GLRA3: variants seen among roughly 807,000 people sequenced by gnomAD.
GLRA3 encodes glycine receptor subunit alpha-3.
GLRA3 carries 44 observed loss-of-function variants against 60.4 expected under a neutral mutation model. That is an observed-to-expected ratio of 0.73 (90% CI 0.57 to 0.94). The LOEUF is 0.94. GLRA3 is among the 40% of genes least tolerant of loss of function. The pLI is 0.00. For missense variants in GLRA3, 508 were observed against 564.6 expected, an observed-to-expected ratio of 0.90 and a Z score of 1.02; for synonymous variants, 223 against 192.9, an observed-to-expected ratio of 1.16 and a Z score of -1.29.
At chr4:174,773,284 T>C (rs1157485568) in intron 2 of GLRA3, among the ~76,000 whole-genome samples, 2 of 151,442 alleles carry the variant, frequency 1.3e-5, no homozygotes, top group Non-Finnish European at 2.9e-5. Context: ...TAGTTGCAGA[T>C]GTTTTCAGCA....
chr4:174,735,458 G>A (rs1736742176), intron 3 of GLRA3, among the ~76,000 whole-genome samples: 1 of 152,172 alleles, frequency 6.6e-6, no homozygotes. Context: ...ACAGAATATT[G>A]TCTCTGGATT....
intron 1 of GLRA3, among the ~76,000 whole-genome samples, chr4:174,807,142 AC>A (rs1212760574): frequency 3.3e-5 from 5 of 152,060 alleles, no homozygotes; most frequent in African/African-American, 1.2e-4. Context: ...AAAAGAAGAT[AC>A]AGAGAACAAC....
At chr4:174,810,098 A>T (rs567007893) in intron 1 of GLRA3, among the ~76,000 whole-genome samples, 2 of 152,186 alleles carry the variant, frequency 1.3e-5, no homozygotes, top group Non-Finnish European at 2.9e-5. Flanking sequence ...AATAAAATGG[A>T]ACAGAATCTT....
chr4:174,786,766 T>C (rs146165688), intron 2 of GLRA3, among the ~76,000 whole-genome samples: 4 of 152,312 alleles, frequency 2.6e-5, no homozygotes, highest in African/African-American at 9.6e-5. Flanking sequence ...TTATAATTGA[T>C]ATTATTTTTG....
At chr4:174,755,798 C>T (rs549590810) in intron 3 of GLRA3, among the ~76,000 whole-genome samples, 4 of 151,974 alleles carry the variant, frequency 2.6e-5, no homozygotes, top group African/African-American at 4.8e-5. Context: ...GAGACAAAAA[C>T]GAACTATTAT....
chr4:174,654,451 T>TA (rs1431831858), intron 9 of GLRA3, among the ~76,000 whole-genome samples: 1 of 152,120 alleles, frequency 6.6e-6, no homozygotes, highest in African/African-American at 2.4e-5. Flanking sequence ...TAGCAAAACA[T>TA]AAACTTGGCT....
chr4:174,744,508 G>T (rs1238479572), intron 3 of GLRA3, among the ~76,000 whole-genome samples: 1 of 152,196 alleles, frequency 6.6e-6, no homozygotes, highest in African/African-American at 2.4e-5. Context: ...ACTAGTTCCT[G>T]TACCCTAAAC....
At chr4:174,735,526 G>A (rs114763887) in intron 3 of GLRA3, among the ~76,000 whole-genome samples, 5,550 of 152,022 alleles carry the variant, frequency 0.037, 150 homozygotes, top group Non-Finnish European at 0.054. Context: ...AAACATAATC[G>A]TTTACACATA....
chr4:174,741,063 C>G (rs1157122810), intron 3 of GLRA3, among the ~76,000 whole-genome samples: 1 of 152,102 alleles, frequency 6.6e-6, no homozygotes, highest in Admixed American at 6.6e-5. Flanking sequence ...TTTATGTAAG[C>G]ATACGTGTTT....
intron 4 of GLRA3, among the ~76,000 whole-genome samples, chr4:174,717,364 A>AAAGG (rs70947458): frequency 0.41 from 61,493 of 149,732 alleles, 12,833 homozygotes; most frequent in South Asian, 0.47. Context: ...AGAAAGAAGG[A>AAAGG]AAGGAAGGAA....
intron 5 of GLRA3, among the ~76,000 whole-genome samples, chr4:174,692,729 T>C (rs1734901806): frequency 6.6e-6 from 1 of 151,690 alleles, no homozygotes; most frequent in Non-Finnish European, 1.5e-5. Flanking sequence ...GTTAAACAGA[T>C]GCTTGAAGGC....
chr4:174,695,546 T>G (rs919752214), intron 5 of GLRA3, among the ~76,000 whole-genome samples: 13 of 152,256 alleles, frequency 8.5e-5, no homozygotes, highest in Admixed American at 7.2e-4. Flanking sequence ...CACCCTTTCA[T>G]GTTAAAAACT....
intron 1 of GLRA3, among the ~76,000 whole-genome samples, chr4:174,798,233 G>C (rs985105457): frequency 6.6e-6 from 1 of 152,134 alleles, no homozygotes; most frequent in African/African-American, 2.4e-5. Flanking sequence ...AGCAGGGAAG[G>C]TTTAGGGTAT....
rs868737753 is a variant in GLRA3 at position 174,659,094 on chromosome 4, T to C, written c.1031A>G (p.His344Arg). 1 of 1,613,248 alleles carries C rather than the reference T, an allele frequency of 6.2e-7. No homozygotes were observed. Among genetic ancestry groups the C allele is most frequent in the East Asian group, 2.2e-5 (1 of 44,778 alleles). Reference protein sequence around the residue: ...YAAVNFVSRQHKELLRFRRKR... With the variant: ...YAAVNFVSRQRKELLRFRRKR... ...TCGTCGAAATCTCAGAAGTTCTTTG[T>C]GTTGTCTTGATACAAAATTTACAGC... Residue 344 changes from histidine to arginine, a missense_variant, in exon 8 of 10, where the codon CAC (histidine) becomes CGC (arginine). Physicochemically the swap from His to Arg is conservative, Grantham distance 29. Transcript: ENST00000274093.
chr4:174,730,138 C>T (rs576330502), intron 3 of GLRA3, among the ~76,000 whole-genome samples: 24 of 152,116 alleles, frequency 1.6e-4, no homozygotes, highest in East Asian at 5.8e-4. Context: ...AGAAAGCTCA[C>T]GATATTGTGG....
At position 174,800,969 on chromosome 4, in the gene GLRA3, T is replaced by C. The variant is rs141302271; in HGVS notation, c.72-12026A>G. On this transcript the variant is annotated intron_variant, in intron 1 of 9. Coordinates refer to ENST00000274093, the MANE Select transcript of GLRA3 (RefSeq NM_006529.4). ...ATTACATGAGATATTCAACACTTCA[T>C]TATAAAATAGACTTTGTATTAGATG... is the stretch of plus-strand genomic sequence containing the variant. Among the ~76,000 whole-genome samples, 621 of 152,206 alleles carry C rather than the reference T, an allele frequency of 4.1e-3. 7 individuals carry two copies. Among genetic ancestry groups the C allele is most frequent in the African/African-American group, 0.014 (592 of 41,560 alleles).
chr4:174,642,243 G>T lies in GLRA3; in HGVS notation c.*1543C>A. 1 of 916,120 alleles carries T rather than the reference G, an allele frequency of 1.1e-6. No homozygotes were observed. The highest frequency in any genetic ancestry group is 1.3e-6 in the Non-Finnish European group (1 of 767,064). 56.7% of individuals were successfully genotyped at this position (916,120 alleles called of 1,614,324 possible). A position where few individuals can be genotyped will look rare whatever the true frequency, so the allele number is the denominator to read the frequency against. ...GTTTTAGTTTTAAATGGTAGTTTTT[G>T]CTTTTAATTTGAAAGTGGTTGAAGG... On this transcript the variant is annotated 3_prime_UTR_variant, in exon 10 of 10. Transcript: ENST00000274093.
At chr4:174,716,938 C>A (rs150453568) in intron 4 of GLRA3, among the ~76,000 whole-genome samples, 2 of 152,138 alleles carry the variant, frequency 1.3e-5, no homozygotes, top group Non-Finnish European at 2.9e-5. Flanking sequence ...TGGTGTCTTA[C>A]GCCTGTAATT....
intron 7 of GLRA3, among the ~76,000 whole-genome samples, chr4:174,672,503 A>G (rs4695782): frequency 1.3e-5 from 2 of 151,726 alleles, no homozygotes; most frequent in Admixed American, 6.6e-5. Context: ...CTGTGTGCCA[A>G]TTCTGAGCAC....
Sources: allele counts gnomAD v4.1 joint callset (sites outside exome capture counted in the v4.1 genomes callset), GRCh38; gene constraint gnomAD v4.1.1; transcripts MANE v1.5; gene names NCBI Gene and HGNC (gene_info 2026-07-23, HGNC 2026-07-21).